MTMR2: variants seen among roughly 807,000 people sequenced by gnomAD.
The protein encoded by MTMR2 is phosphatidylinositol-3,5-bisphosphate 3-phosphatase MTMR2.
Under a neutral mutation model 86.9 loss-of-function variants are expected in MTMR2, and 55 were observed. The observed-to-expected ratio is 0.63, with a 90% confidence interval of 0.51 to 0.79. The LOEUF (loss-of-function observed/expected upper bound fraction) is 0.79, where lower values mean the gene tolerates loss of function less well. Ranked by LOEUF, MTMR2 falls within the 30% of genes least tolerant of loss-of-function variation. MTMR2 has a pLI of 0.00. For missense variants in MTMR2, 659 were observed against 772.3 expected, an observed-to-expected ratio of 0.85 and a Z score of 1.74; for synonymous variants, 241 against 266.8, an observed-to-expected ratio of 0.90 and a Z score of 0.94.
At position 95,853,946 on chromosome 11, in the gene MTMR2, A is replaced by G. The variant is rs79628788; in HGVS notation, c.655-3197T>C. 2.1e-3 allele frequency among the ~76,000 whole-genome samples: 323 copies of G among 152,096 alleles called. 4 individuals are homozygous for G. The highest frequency in any genetic ancestry group is 7.3e-3 in the African/African-American group (301 of 41,494). On this transcript the variant is annotated intron_variant, in intron 7 of 14. Transcript: ENST00000346299. ...CTAATGTACCATCCCCCAACCCAGA[A>G]AGGTACTCCTGTCTCTCTCCCACCC...
chr11:95,849,898 T>C (rs371188716), intron 8 of MTMR2, 36 bp from the exon 9 acceptor site: 15 of 1,551,392 alleles, frequency 9.7e-6, no homozygotes, highest in African/African-American at 2.7e-5. Flanking sequence ...ACCTTTTACA[T>C]ACTTCTCTGT....
intron 2 of MTMR2, among the ~76,000 whole-genome samples, chr11:95,883,426 CTATGTA>C (rs1865408257): frequency 6.6e-6 from 1 of 152,068 alleles, no homozygotes; most frequent in Non-Finnish European, 1.5e-5. Flanking sequence ...ACTTGAAATT[CTATGTA>C]AAAGAATACT....
At chr11:95,842,507 C>T (rs1185998217) in intron 11 of MTMR2, among the ~76,000 whole-genome samples, 5 of 152,108 alleles carry the variant, frequency 3.3e-5, no homozygotes, top group Non-Finnish European at 7.4e-5. Flanking sequence ...TGACATCCAC[C>T]CTCCAAGCAT....
intron 1 of MTMR2, among the ~76,000 whole-genome samples, chr11:95,891,769 G>A (rs1865722297): frequency 1.3e-5 from 2 of 152,116 alleles, no homozygotes; most frequent in Admixed American, 6.6e-5. Flanking sequence ...GAGGGGTACA[G>A]TGTGGGAATA....
chr11:95,836,399 G>T, intron 13 of MTMR2, 75 bp from the exon 14 acceptor site: 1 of 1,356,462 alleles, frequency 7.4e-7, no homozygotes, highest in South Asian at 1.2e-5. Flanking sequence ...TTGTGAAGAA[G>T]TACTTTGTTG....
chr11:95,839,575 C>G (rs971051693), intron 12 of MTMR2, among the ~76,000 whole-genome samples: 2 of 152,076 alleles, frequency 1.3e-5, no homozygotes, highest in Admixed American at 6.6e-5. Context: ...AAACCCTCAG[C>G]AGAAGAGAAC....
Position 95,844,940 on chromosome 11 carries a change from G to T in MTMR2, c.1386+13C>A, listed in dbSNP as rs377431314. On this transcript the variant is annotated intron_variant, in intron 11 of 14. Coordinates refer to ENST00000346299, the MANE Select transcript of MTMR2 (RefSeq NM_016156.6). ...TGCATGTGATATATCCAAAGTCAAGGTTCCTTACTTACTAGTTGAAATCGA... is the reference window on the plus strand; with the variant it reads ...TGCATGTGATATATCCAAAGTCAAGTTTCCTTACTTACTAGTTGAAATCGA... 18 of 1,579,514 alleles carry T rather than the reference G, an allele frequency of 1.1e-5. No homozygotes were observed. Among genetic ancestry groups the T allele is most frequent in the African/African-American group, 9.4e-5 (7 of 74,416 alleles).
At chr11:95,914,616 T>C (rs1866633013) in intron 1 of MTMR2, among the ~76,000 whole-genome samples, 1 of 135,914 alleles carries the variant, frequency 7.4e-6, no homozygotes, top group African/African-American at 2.7e-5. Flanking sequence ...AAAGGTAAAA[T>C]TCTCTCCAAA....
At chr11:95,917,176 C>T (rs1026195259) in intron 1 of MTMR2, among the ~76,000 whole-genome samples, 5 of 152,032 alleles carry the variant, frequency 3.3e-5, no homozygotes, top group Non-Finnish European at 7.4e-5. Flanking sequence ...TATTATCTAC[C>T]GATTTAACTA....
intron 1 of MTMR2, among the ~76,000 whole-genome samples, chr11:95,905,329 G>GCGCGCGCGCGCGCGCA (rs1491318210): frequency 2.5e-5 from 1 of 39,700 alleles, no homozygotes; most frequent in Non-Finnish European, 5.5e-5. Context: ...GCACGCACCT[G>GCGCGCGCGCGCGCGCA]CGCACACACA....
intron 11 of MTMR2, among the ~76,000 whole-genome samples, chr11:95,843,941 G>A (rs1863660889): frequency 6.6e-6 from 1 of 151,974 alleles, no homozygotes; most frequent in Admixed American, 6.6e-5. Context: ...ATGTAAAGGG[G>A]GTCCTGAAAC....
rs1177699275 is a variant in MTMR2 at position 95,923,903 on chromosome 11, G to A, written c.52C>T (p.Arg18Trp). The change falls in exon 1 of 15, where the codon CGG becomes TGG. Residue 18 changes from arginine (R) to tryptophan (W), a missense_variant. Arg to Trp is a moderately radical substitution (Grantham distance 101). This residue lies in a region of MTMR2 where 79 missense variants were observed against 54.4 expected (regional missense o/e 1.45). Transcript: ENST00000346299. ...GACAAGGAGTCCACGCTGGGCGGCC[G>A]AGCCGCCGCCGGCTGGGAGCCAAGA... ...ESLGSQPAAA[R>W]PPSVDSLSSA... is the part of the protein sequence containing the mutation. 7.7e-6 allele frequency: 12 copies of A among 1,558,292 alleles called. No individual in the cohort carries two copies. The highest frequency in any genetic ancestry group is 1.2e-5 in the South Asian group (1 of 84,736).
chr11:95,901,367 A>T (rs913034395), intron 1 of MTMR2, among the ~76,000 whole-genome samples: 1 of 152,152 alleles, frequency 6.6e-6, no homozygotes, highest in Non-Finnish European at 1.5e-5. Flanking sequence ...CTAGAATTAT[A>T]CCAAATATTT....
chr11:95,854,144 TA>T (rs1309034374), intron 7 of MTMR2, among the ~76,000 whole-genome samples: 5 of 152,152 alleles, frequency 3.3e-5, no homozygotes, highest in Admixed American at 3.3e-4. Context: ...CTATCTTCAC[TA>T]AAAACTGCCT....
chr11:95,865,198 T>C (rs1174600655), intron 3 of MTMR2, among the ~76,000 whole-genome samples: 2 of 152,164 alleles, frequency 1.3e-5, no homozygotes, highest in Non-Finnish European at 2.9e-5. Context: ...GAAGAGAAGA[T>C]ATTTTAAGAA....
At chr11:95,871,021 A>C (rs1286662162) in intron 2 of MTMR2, among the ~76,000 whole-genome samples, 2 of 152,126 alleles carry the variant, frequency 1.3e-5, no homozygotes, top group East Asian at 3.9e-4. Flanking sequence ...TTTCCTGAGA[A>C]TGATGGTTTC....
intron 10 of MTMR2, 85 bp downstream of exon 10, chr11:95,847,629 T>A: frequency 8.3e-7 from 1 of 1,208,792 alleles, no homozygotes; most frequent in Non-Finnish European, 1.2e-6. Context: ...GGTACCTTCA[T>A]GTTGATTGCA....
At position 95,924,087 on chromosome 11, in the gene MTMR2, G is replaced by A. The variant is rs954914657; in HGVS notation, c.-133C>T. 2.4e-5 allele frequency: 29 copies of A among 1,204,310 alleles called. No homozygotes were observed. Among genetic ancestry groups the A allele is most frequent in the Non-Finnish European group, 3.5e-5 (29 of 838,512 alleles). The allele number at this position is 1,204,310 out of a possible 1,614,324, so 74.6% of individuals were successfully genotyped here. ...CCGGCCCGGGAGGGAGACCGGAAGCGGCCATGTTCCCCCAGAGTGCACCGC... is the reference window on the plus strand; with the variant it reads ...CCGGCCCGGGAGGGAGACCGGAAGCAGCCATGTTCCCCCAGAGTGCACCGC... On this transcript the variant is annotated 5_prime_UTR_variant, in exon 1 of 15. Transcript: ENST00000346299.
chr11:95,890,482 G>C (rs918753898), intron 1 of MTMR2, among the ~76,000 whole-genome samples: 3 of 152,172 alleles, frequency 2.0e-5, no homozygotes, highest in African/African-American at 7.2e-5. Flanking sequence ...ATTCCAGTCA[G>C]TGGGATTTAG....
Sources: allele counts gnomAD v4.1 joint callset (sites outside exome capture counted in the v4.1 genomes callset), GRCh38; gene constraint gnomAD v4.1.1; regional missense constraint gnomAD v4.1.1; transcripts MANE v1.5; gene names NCBI Gene and HGNC (gene_info 2026-07-23, HGNC 2026-07-21).